MFSD6: variants seen among roughly 807,000 people sequenced by gnomAD.
MFSD6 encodes the protein major facilitator superfamily domain-containing protein 6.
MFSD6 carries 26 observed loss-of-function variants against 56.3 expected under a neutral mutation model. The observed-to-expected ratio is 0.46, with a 90% CI of 0.34 to 0.64. MFSD6 has a LOEUF of 0.64. MFSD6 is among the 30% of genes least tolerant of loss of function. The pLI is 0.01. For missense variants in MFSD6, 750 were observed against 986.2 expected (o/e 0.76, Z 3.21); for synonymous variants, 331 against 366.9 (o/e 0.90, Z 1.12).
chr2:190,416,531 A>G lies in MFSD6; in HGVS notation c.-54+1118A>G, dbSNP rs1391136008. Among the ~76,000 whole-genome samples, 1 of 152,216 alleles carries G rather than the reference A, an allele frequency of 6.6e-6. No individual in the cohort carries two copies. Among genetic ancestry groups the G allele is most frequent in the East Asian group, 1.9e-4 (1 of 5,198 alleles). On this transcript the variant is annotated intron_variant, in intron 2 of 7. Transcript: ENST00000392328. The surrounding 1 kb of genome is among the most constrained non-coding windows in gnomAD (Gnocchi z 4.1). ...AACCAGTGCCTCACAGGCCCCCATC[A>G]GGCTGTAGACATGAAAACAGACATG... is the stretch of plus-strand genomic sequence containing the variant.
intron 2 of MFSD6, among the ~76,000 whole-genome samples, chr2:190,430,298 G>T (rs1422013148): frequency 1.3e-5 from 2 of 150,816 alleles, no homozygotes; most frequent in Non-Finnish European, 2.9e-5. Context: ...GGGAAGGTCA[G>T]CAGATAAACA....
At position 190,498,290 on chromosome 2, in the gene MFSD6, G is replaced by A. The variant is rs928430505; in HGVS notation, c.2172+571G>A. ...GTGGATAATTGTACAGGTGTATCCC[G>A]ACTTTGGAAAATGAGTGTAACTTCT... On this transcript the variant is annotated intron_variant, in intron 7 of 7. Coordinates refer to ENST00000392328, the MANE Select transcript of MFSD6 (RefSeq NM_017694.4). This position sits in a 1 kb window ranked among gnomAD's most constrained non-coding sequence, Gnocchi z 5.9. 5.3e-4 allele frequency among the ~76,000 whole-genome samples: 80 copies of A among 152,102 alleles called. No individual in the cohort carries two copies. The highest frequency in any genetic ancestry group is 1.0e-3 in the Non-Finnish European group (70 of 68,026).
At chr2:190,449,850 T>A (rs544863081) in intron 3 of MFSD6, among the ~76,000 whole-genome samples, 4 of 151,342 alleles carry the variant, frequency 2.6e-5, no homozygotes, top group South Asian at 2.1e-4. Context: ...AACATCACAC[T>A]CTGGGGACTG....
In MFSD6 at chr2:190,497,796, C is replaced by A; in HGVS notation, c.2172+77C>A. 1.2e-5 allele frequency: 17 copies of A among 1,457,062 alleles called. No homozygotes were observed. Among genetic ancestry groups the A allele is most frequent in the Non-Finnish European group, 1.5e-5 (16 of 1,072,546 alleles). The allele number at this position is 1,457,062 out of a possible 1,614,324, so 90.3% of individuals were successfully genotyped here. On this transcript the variant is annotated intron_variant, in intron 7 of 7. Transcript: ENST00000392328. The surrounding 1 kb of genome is among the most constrained non-coding windows in gnomAD (Gnocchi z 5.2). ...AACTGGGCTCAGTTTTAATTACTCACTTTTCATTCAACAAGATTTATTGAA... is the reference window on the plus strand; with the variant it reads ...AACTGGGCTCAGTTTTAATTACTCAATTTTCATTCAACAAGATTTATTGAA...
At chr2:190,445,987 G>GA (rs1021028730) in intron 3 of MFSD6, among the ~76,000 whole-genome samples, 12 of 152,062 alleles carry the variant, frequency 7.9e-5, no homozygotes, top group African/African-American at 2.9e-4. Context: ...GGTACGAGGG[G>GA]AAAAAAATAC....
chr2:190,449,354 GTCCCA>G (rs1559117819), intron 3 of MFSD6, among the ~76,000 whole-genome samples: 1 of 151,972 alleles, frequency 6.6e-6, no homozygotes, highest in Non-Finnish European at 1.5e-5. Flanking sequence ...GGCACTTGTA[GTCCCA>G]GCTACTTGGG....
chr2:190,489,922 A>G lies in MFSD6; in HGVS notation c.1891+56A>G. 7.2e-7 allele frequency: 1 copy of G among 1,392,084 alleles called. No individual in the cohort carries two copies. Among genetic ancestry groups the G allele is most frequent in the Non-Finnish European group, 9.6e-7 (1 of 1,043,876 alleles). 86.2% of individuals were successfully genotyped at this position (1,392,084 alleles called of 1,614,324 possible). A position where few individuals can be genotyped will look rare whatever the true frequency, so the allele number is the denominator to read the frequency against. On this transcript the variant is annotated intron_variant, in intron 6 of 7. Transcript: ENST00000392328. The surrounding 1 kb of genome is among the most constrained non-coding windows in gnomAD (Gnocchi z 6.6). ...TAACAGTTCAGGCCATGGGAAGTCA[A>G]CAAATGCCCCGAGAAGCCTAGAAGT...
chr2:190,500,153 A>G lies in MFSD6; in HGVS notation c.2311A>G (p.Ser771Gly). ...SQTQTSPAHP[S>G]VDPCTEESEE... is the part of the protein sequence containing the mutation. Reference sequence around the variant, plus strand: ...GACGCAGACCAGCCCCGCTCACCCCAGTGTGGACCCGTGCACAGAGGAGAG... The same window carrying G: ...GACGCAGACCAGCCCCGCTCACCCCGGTGTGGACCCGTGCACAGAGGAGAG... Residue 771 changes from serine to glycine, a missense_variant, in exon 8 of 8, where the codon AGT becomes GGT. By Grantham distance (56) the Ser-to-Gly change is moderately conservative. Transcript: ENST00000392328. This position sits in a 1 kb window ranked among gnomAD's most constrained non-coding sequence, Gnocchi z 5.3. 6.2e-7 allele frequency: 1 copy of G among 1,614,090 alleles called. No homozygotes were observed. Among genetic ancestry groups the G allele is most frequent in the Non-Finnish European group, 8.5e-7 (1 of 1,180,004 alleles).
rs536346813 is a variant in MFSD6, at chr2:190,460,317, C to T, written c.1533-9441C>T. Among the ~76,000 whole-genome samples, 77 of 152,290 alleles carry T rather than the reference C, an allele frequency of 5.1e-4. 4 individuals carry two copies. The South Asian group carries it at 0.016, about 31-fold the overall frequency. On this transcript the variant is annotated intron_variant, in intron 3 of 7. Transcript: ENST00000392328. ...AGACATCTATTTTTTAAATATATTT[C>T]TAGGCCTCTTTTTTAAGTCCATTCA... is the stretch of plus-strand genomic sequence containing the variant.
rs764378057 is a variant in MFSD6 at position 190,469,788 on chromosome 2, G to T, written c.1563G>T (p.Thr521=). ...TGTACATTGGCCTGGCCTGCAATAC[G>T]GCTCGCTATATTTATATTTCCTACC... ...RVLYIGLACN[T]ARYIYISYLE... The change falls in exon 4 of 8, where the codon ACG becomes ACT. Residue 521 remains threonine, a synonymous_variant. Transcript: ENST00000392328. This position sits in a 1 kb window ranked among gnomAD's most constrained non-coding sequence, Gnocchi z 5.3. 7 of 1,605,532 alleles carry T rather than the reference G, an allele frequency of 4.4e-6. No homozygotes were observed. The East Asian group carries it at 1.6e-4, about 36-fold the overall frequency.
At position 190,415,797 on chromosome 2, in the gene MFSD6, A is replaced by G. The variant is rs137980229; in HGVS notation, c.-54+384A>G. ...ACTGATGATAGTCCAGGGCTATAGG[A>G]AAATGTATTATAAACCTTGAGATCT... On this transcript the variant is annotated intron_variant, in intron 2 of 7. Coordinates refer to ENST00000392328, the MANE Select transcript of MFSD6 (RefSeq NM_017694.4). The surrounding 1 kb of genome is among the most constrained non-coding windows in gnomAD (Gnocchi z 4.5). 1.8e-3 allele frequency among the ~76,000 whole-genome samples: 278 copies of G among 152,314 alleles called. No homozygotes were observed. Among genetic ancestry groups the G allele is most frequent in the African/African-American group, 6.3e-3 (260 of 41,560 alleles).
At position 190,436,919 on chromosome 2, in the gene MFSD6, T is replaced by C; in HGVS notation, c.890T>C (p.Ile297Thr). ...TTGGTGATCTTGGTAGTTGTCATAA[T>C]AGGAGAATTTTTCAGTGCCTCTTCT... The part of the protein sequence containing the change: ...IFLVILVVVI[I>T]GEFFSASSVT... Residue 297 changes from isoleucine to threonine, a missense_variant, in exon 3 of 8, where the codon ATA becomes ACA. By Grantham distance (89) the Ile-to-Thr change is moderately conservative. Coordinates refer to ENST00000392328, the MANE Select transcript of MFSD6 (RefSeq NM_017694.4). This position sits in a 1 kb window ranked among gnomAD's most constrained non-coding sequence, Gnocchi z 5.3. The C allele has an allele frequency of 1.2e-6, 2 of 1,614,226 alleles. No homozygotes were observed. The highest frequency in any genetic ancestry group is 1.7e-6 in the Non-Finnish European group (2 of 1,180,034).
At chr2:190,475,754 G>T (rs961103552) in intron 4 of MFSD6, among the ~76,000 whole-genome samples, 1 of 152,162 alleles carries the variant, frequency 6.6e-6, no homozygotes, top group African/African-American at 2.4e-5. Context: ...GCATTGCCAA[G>T]TGAATCCTAA....
chr2:190,461,848 T>C lies in MFSD6; in HGVS notation c.1533-7910T>C, dbSNP rs559602525. 6.6e-6 allele frequency among the ~76,000 whole-genome samples: 1 copy of C among 152,308 alleles called. No individual in the cohort carries two copies. Among genetic ancestry groups the C allele is most frequent in the East Asian group, 1.9e-4 (1 of 5,190 alleles). ...TCTATGATTTCTACCAGTTTTAATT[T>C]TTTTTTTAGTGTGGAACATGAACCT... On this transcript the variant is annotated intron_variant, in intron 3 of 7. Transcript: ENST00000392328. The surrounding 1 kb of genome is among the most constrained non-coding windows in gnomAD (Gnocchi z 5.5).
rs11897266 is a variant in MFSD6, at chr2:190,495,916, T to C, written c.1892-1523T>C. The stretch of plus-strand genomic sequence containing the variant: ...GAAGATAACATCAGAAAAACCCTTC[T>C]AGACATTGGCTTAGGCAGAGATTTC... On this transcript the variant is annotated intron_variant, in intron 6 of 7. Coordinates refer to ENST00000392328, the MANE Select transcript of MFSD6 (RefSeq NM_017694.4). The surrounding 1 kb of genome is among the most constrained non-coding windows in gnomAD (Gnocchi z 4.7). 0.3 allele frequency among the ~76,000 whole-genome samples: 45,666 copies of C among 151,940 alleles called. 7,622 individuals carry two copies. The highest frequency in any genetic ancestry group is 0.46 in the East Asian group (2,393 of 5,158).
At position 190,437,145 on chromosome 2, in the gene MFSD6, C is replaced by T; in HGVS notation, c.1116C>T (p.Phe372=). The T allele has an allele frequency of 6.2e-7, 1 of 1,614,258 alleles. No individual in the cohort carries two copies. The highest frequency in any genetic ancestry group is 8.5e-7 in the Non-Finnish European group (1 of 1,180,048). Residue 372 remains phenylalanine, a synonymous_variant, in exon 3 of 8, where the codon TTC becomes TTT. Transcript: ENST00000392328. The surrounding 1 kb of genome is among the most constrained non-coding windows in gnomAD (Gnocchi z 5.9). ...PPEYRNYQIV[F]IVFGVLMTMA... is the part of the protein sequence containing the mutation. ...AGTACAGGAATTACCAGATCGTCTT[C>T]ATCGTCTTCGGCGTTCTCATGACCA...
rs1395549327 is a variant in MFSD6, at chr2:190,462,236, T to G, written c.1533-7522T>G. 2.6e-5 allele frequency among the ~76,000 whole-genome samples: 4 copies of G among 152,148 alleles called. No individual in the cohort carries two copies. The highest frequency in any genetic ancestry group is 5.9e-5 in the Non-Finnish European group (4 of 68,030). On this transcript the variant is annotated intron_variant, in intron 3 of 7. Coordinates refer to ENST00000392328, the MANE Select transcript of MFSD6 (RefSeq NM_017694.4). The surrounding 1 kb of genome is among the most constrained non-coding windows in gnomAD (Gnocchi z 5.7). ...AAATGGGAACAGAATAACCATTGTT[T>G]TAAGAGATTTACCTCATGGTTCTCA...
At chr2:190,476,085 G>A (rs1388251726) in intron 4 of MFSD6, among the ~76,000 whole-genome samples, 1 of 151,834 alleles carries the variant, frequency 6.6e-6, no homozygotes, top group Non-Finnish European at 1.5e-5. Flanking sequence ...AGACTTAAAT[G>A]TTAGACCTAA....
intron 1 of MFSD6, chr2:190,411,589 T>C (rs1690568914): frequency 1.0e-6 from 1 of 979,338 alleles, no homozygotes; most frequent in Non-Finnish European, 1.2e-6. Context: ...TTATATAAAC[T>C]AAAAAGGAAA....
Sources: gnomAD v4.1 joint callset for allele counts (sites outside exome capture counted in the v4.1 genomes callset) on GRCh38, gnomAD v4.1.1 for gene constraint, Gnocchi (gnomAD v3.1) non-coding constraint, MANE v1.5 for transcripts, NCBI Gene and HGNC (gene_info 2026-07-23, HGNC 2026-07-21) for gene names.